The following TM4SF19 variants were observed in gnomAD, a reference collection of about 807,000 sequenced individuals.
TM4SF19 encodes the protein transmembrane 4 L six family member 19.
In TM4SF19, 17 loss-of-function variants were observed where a neutral mutation model predicts 21.8. The observed-to-expected ratio is 0.78, with a 90% confidence interval of 0.53 to 1.17. The LOEUF (loss-of-function observed/expected upper bound fraction) is 1.17. TM4SF19 is among the 50% of genes most tolerant of loss of function. The pLI, the probability that TM4SF19 is intolerant of heterozygous loss-of-function variation, is 0.00. For synonymous variants in TM4SF19, 107 were observed against 106.7 expected, an observed-to-expected ratio of 1.00 and a Z score of -0.02; for missense variants, 216 against 252.1, an observed-to-expected ratio of 0.86 and a Z score of 0.97.
rs561243372 is a variant in TM4SF19, at chr3:196,334,173, A to G, written c.-2+4091T>C. Among the ~76,000 whole-genome samples the G allele has an allele frequency of 2.0e-5, 3 of 152,300 alleles. No individual in the cohort carries two copies. The South Asian group carries it at 6.2e-4, about 32-fold the overall frequency. ...ACACAACCAATATCAAACATACGTCATTACCCATCACATCACTGACACTCA... is the reference window on the plus strand; with the variant it reads ...ACACAACCAATATCAAACATACGTCGTTACCCATCACATCACTGACACTCA... On this transcript the variant is annotated intron_variant, in intron 1 of 4. Coordinates refer to ENST00000273695, the MANE Select transcript of TM4SF19 (RefSeq NM_138461.4).
chr3:196,327,562 C>A lies in TM4SF19; in HGVS notation c.29G>T (p.Ser10Ile). 1 of 1,613,684 alleles carries A rather than the reference C, an allele frequency of 6.2e-7. No individual in the cohort carries two copies. ...CAGGATACGGGAGCAAGTCCGTGAG[C>A]TTGCCTGCGTGCAGGGAGAGGACAC... The part of the protein sequence containing the change: MVSSPCTQA[S>I]SRTCSRILGL... Residue 10 changes from serine to isoleucine, a missense_variant, in exon 2 of 5, where the codon AGC (serine) becomes ATC (isoleucine). Physicochemically the swap from Ser to Ile is moderately radical, Grantham distance 142 (BLOSUM62 -2). Transcript: ENST00000273695.
Position 196,324,397 on chromosome 3 carries a change from G to A in TM4SF19, c.323C>T (p.Ala108Val). Residue 108 changes from alanine to valine, a missense_variant, in exon 4 of 5, where the codon GCC (alanine) becomes GTC (valine). Transcript: ENST00000273695. Reference protein sequence around the residue: ...LLSGGLALLGALICFVTSGVA... With the variant: ...LLSGGLALLGVLICFVTSGVA... ...TCCAGAAGTGACAAAGCAAATCAGGGCTCCAAGTAAAGCCAGGCCACCTGA... is the reference window on the plus strand; with the variant it reads ...TCCAGAAGTGACAAAGCAAATCAGGACTCCAAGTAAAGCCAGGCCACCTGA... The A allele has an allele frequency of 6.2e-7, 1 of 1,614,160 alleles. No individual in the cohort carries two copies. Among genetic ancestry groups the A allele is most frequent in the Non-Finnish European group, 8.5e-7 (1 of 1,180,032 alleles).
At chr3:196,330,027 AC>A (rs1272827619) in intron 1 of TM4SF19, among the ~76,000 whole-genome samples, 1 of 151,126 alleles carries the variant, frequency 6.6e-6, no homozygotes, top group Non-Finnish European at 1.5e-5. Context: ...ATGTGCCACC[AC>A]GCCTGGCTAA....
At chr3:196,331,015 T>C (rs1351160529) in intron 1 of TM4SF19, among the ~76,000 whole-genome samples, 1 of 152,158 alleles carries the variant, frequency 6.6e-6, no homozygotes, top group African/African-American at 2.4e-5. Flanking sequence ...GACTTACACC[T>C]GTAATCCCAG....
intron 1 of TM4SF19, among the ~76,000 whole-genome samples, chr3:196,337,591 G>C (rs892678076): frequency 6.6e-6 from 1 of 152,060 alleles, no homozygotes; most frequent in African/African-American, 2.4e-5. Context: ...GTGCTGCTCC[G>C]CGGGTAAGGG....
rs193057880 is a variant in TM4SF19, at chr3:196,335,606, G to T, written c.-2+2658C>A. On this transcript the variant is annotated intron_variant, in intron 1 of 4. Coordinates refer to ENST00000273695, the MANE Select transcript of TM4SF19 (RefSeq NM_138461.4). ...CCCAAGGGTCCTGGGGCAGGGTGGG[G>T]TCAGGAATCGGGAGGGATGGGGTGT... 4.2e-4 allele frequency among the ~76,000 whole-genome samples: 63 copies of T among 151,760 alleles called. 1 individual carries two copies. The East Asian group carries it at 9.9e-3, about 24-fold the overall frequency.
chr3:196,328,131 C>G (rs1727372956), intron 1 of TM4SF19, among the ~76,000 whole-genome samples: 1 of 152,192 alleles, frequency 6.6e-6, no homozygotes, highest in African/African-American at 2.4e-5. Flanking sequence ...GAAACCCCGT[C>G]TCTACTAAAA....
At position 196,323,654 on chromosome 3, in the gene TM4SF19, G is replaced by T; in HGVS notation, c.*163C>A. The T allele has an allele frequency of 1.5e-6, 2 of 1,331,358 alleles. No individual in the cohort carries two copies. Among genetic ancestry groups the T allele is most frequent in the Non-Finnish European group, 2.0e-6 (2 of 979,730 alleles). 82.5% of individuals were successfully genotyped at this position (1,331,358 alleles called of 1,614,324 possible). ...GGAAGTTTACAATGTGATTTAAAAT[G>T]CATTCTATCATTCCACCGACCTGCA... On this transcript the variant is annotated 3_prime_UTR_variant, in exon 5 of 5. Transcript: ENST00000273695.
Position 196,326,992 on chromosome 3 carries a change from C to G in TM4SF19, c.242G>C (p.Arg81Thr), listed in dbSNP as rs778726273. 11 of 1,611,864 alleles carry G rather than the reference C, an allele frequency of 6.8e-6. No individual in the cohort carries two copies. The Admixed American group carries it at 1.2e-4, about 17-fold the overall frequency. The part of the protein sequence containing the change: ...AAILISLMGW[R>T]YGCFSKSGLC... ...CCCACTCTTACTGAAGCAGCCGTAT[C>G]TCCAGCCCATCAAGGAGATGAGGAT... is the stretch of plus-strand genomic sequence containing the variant. Residue 81 changes from arginine (R) to threonine (T), a missense_variant, in exon 3 of 5, where the codon AGA becomes ACA. Transcript: ENST00000273695.
intron 1 of TM4SF19, among the ~76,000 whole-genome samples, chr3:196,328,299 T>TAA (rs554680176): frequency 2.1e-5 from 3 of 140,234 alleles, no homozygotes; most frequent in Admixed American, 7.2e-5. Context: ...GACTCCATCT[T>TAA]AAAAAAAAAA....
At chr3:196,327,205 C>G (rs766048235) in intron 2 of TM4SF19, among the ~76,000 whole-genome samples, 173 bp from the exon 3 acceptor site, 1 of 152,210 alleles carries the variant, frequency 6.6e-6, no homozygotes, top group Non-Finnish European at 1.5e-5. Context: ...TGGATGTTAA[C>G]TTTCACACCC....
At chr3:196,326,132 G>C (rs1432732489) in intron 3 of TM4SF19, among the ~76,000 whole-genome samples, 2 of 151,984 alleles carry the variant, frequency 1.3e-5, no homozygotes, top group South Asian at 4.2e-4. Flanking sequence ...CCACCACCAC[G>C]CCCAGCTAAT....
chr3:196,334,488 C>T (rs1339505420), intron 1 of TM4SF19, among the ~76,000 whole-genome samples: 2 of 151,452 alleles, frequency 1.3e-5, no homozygotes, highest in Non-Finnish European at 2.9e-5. Flanking sequence ...GAGTCTCACT[C>T]TGTCGCTCAG....
intron 2 of TM4SF19, 114 bp from the exon 3 acceptor site, chr3:196,327,146 C>T: frequency 2.2e-6 from 2 of 891,768 alleles, no homozygotes; most frequent in Non-Finnish European, 3.6e-6. Context: ...GTCCTGTTGA[C>T]TCTGACTCTG....
chr3:196,327,704 AGG>A, intron 1 of TM4SF19, 113 bp from the exon 2 acceptor site: 1 of 850,752 alleles, frequency 1.2e-6, no homozygotes, highest in Non-Finnish European at 1.9e-6. Flanking sequence ...GCCACCTTCC[AGG>A]GTCAGACCAA....
chr3:196,326,930 T>TGGAGGTGG lies in TM4SF19; in HGVS notation c.279+24_279+25insCCACCTCC, dbSNP rs1727313432. ...ATAGAGGTGGAGACATTCTGGGTGTTAGAAGAGTGGAATCTGGTGCTTACG... is the reference window on the plus strand; with the variant it reads ...ATAGAGGTGGAGACATTCTGGGTGTTGGAGGTGGAGAAGAGTGGAATCTGGTGCTTACG... On this transcript the variant is annotated intron_variant, in intron 3 of 4. Coordinates refer to ENST00000273695, the MANE Select transcript of TM4SF19 (RefSeq NM_138461.4). 1.9e-6 allele frequency: 3 copies of TGGAGGTGG among 1,592,348 alleles called. No individual in the cohort carries two copies. The African/African-American group carries it at 4.0e-5, about 21-fold the overall frequency.
intron 3 of TM4SF19, 83 bp from the exon 4 acceptor site, chr3:196,324,523 CG>C: frequency 6.7e-7 from 1 of 1,496,168 alleles, no homozygotes; most frequent in Non-Finnish European, 9.2e-7. Context: ...TGAGCTAAGA[CG>C]GGGTCGCAGC....
intron 1 of TM4SF19, among the ~76,000 whole-genome samples, chr3:196,333,005 A>AT (rs775289006): frequency 4.6e-4 from 70 of 152,192 alleles, no homozygotes; most frequent in Non-Finnish European, 1.0e-3. Context: ...ATGCGCCACC[A>AT]TACCTGGCTA....
At chr3:196,334,809 G>T (rs577115689) in intron 1 of TM4SF19, among the ~76,000 whole-genome samples, 30 of 132,176 alleles carry the variant, frequency 2.3e-4, no homozygotes, top group African/African-American at 8.3e-4. Flanking sequence ...GAGGGTGGGG[G>T]TAGGAGAGAG....
Sources: gnomAD v4.1 joint callset for allele counts (sites outside exome capture counted in the v4.1 genomes callset) on GRCh38, gnomAD v4.1.1 for gene constraint, MANE v1.5 for transcripts, NCBI Gene and HGNC (gene_info 2026-07-23, HGNC 2026-07-21) for gene names.